Variants in PDE11A observed in about 807,000 individuals in gnomAD.
PDE11A encodes the protein phosphodiesterase 11A.
A neutral mutation model predicts 100.5 loss-of-function variants in PDE11A; 100 were observed. The ratio of observed to expected loss-of-function variants is 1.00; its 90% CI spans 0.85 to 1.18. PDE11A has a LOEUF of 1.18. PDE11A is among the 50% of genes most tolerant of loss of function. The pLI is 0.00. For synonymous variants in PDE11A, 381 were observed against 420.8 expected, an observed-to-expected ratio of 0.91 and a Z score of 1.16; for missense variants, 1,141 against 1,152.6, an observed-to-expected ratio of 0.99 and a Z score of 0.15.
intron 4 of PDE11A, among the ~76,000 whole-genome samples, chr2:177,892,209 G>T (rs372149875): frequency 6.6e-6 from 1 of 151,930 alleles, no homozygotes; most frequent in Non-Finnish European, 1.5e-5. Context: ...TCTTCAACTT[G>T]CATTTATTTT....
At chr2:177,785,416 C>T (rs544896903) in intron 9 of PDE11A, among the ~76,000 whole-genome samples, 16 of 149,752 alleles carry the variant, frequency 1.1e-4, no homozygotes, top group African/African-American at 2.7e-4. Flanking sequence ...CCAAGATGGC[C>T]GAATAGGAAC....
At chr2:178,025,805 T>C (rs946367400) in intron 1 of PDE11A, among the ~76,000 whole-genome samples, 7 of 152,106 alleles carry the variant, frequency 4.6e-5, no homozygotes, top group Non-Finnish European at 1.0e-4. Context: ...GAAAGAGTTA[T>C]GGGAAGGGTC....
At position 178,086,897 on chromosome 2, in the gene PDE11A, C is replaced by T. The variant is rs2105881627; in HGVS notation, c.162+17405G>A. 2.6e-5 allele frequency among the ~76,000 whole-genome samples: 4 copies of T among 152,276 alleles called. No homozygotes were observed. In the East Asian group the frequency reaches 7.7e-4, roughly 29 times the overall value. ...AGTTTCTGGGCCTCAGTTTTCTCAA[C>T]TTTAAAATGAGCAATCCCACTACTG... On this transcript the variant is annotated intron_variant, in intron 2 of 20. Coordinates refer to the PDE11A transcript ENST00000358450.
At chr2:177,822,278 G>C (rs1366966597) in intron 6 of PDE11A, among the ~76,000 whole-genome samples, 1 of 151,722 alleles carries the variant, frequency 6.6e-6, no homozygotes, top group Non-Finnish European at 1.5e-5. Flanking sequence ...ATATGAGCTA[G>C]GAGTCAAAAT....
rs1173886798 is a variant in PDE11A, at chr2:177,624,148, G to A, written c.*5259C>T. 6.6e-6 allele frequency: 1 copy of A among 152,044 alleles called. No homozygotes were observed. Among genetic ancestry groups the A allele is most frequent in the Non-Finnish European group, 1.5e-5 (1 of 68,010 alleles). 9.4% of individuals were successfully genotyped at this position (152,044 alleles called of 1,614,324 possible). ...TAGCAGAATAACAATTTCAGAGACT[G>A]TTACTCTGAAGCAGATAATGAAACT... On this transcript the variant is annotated 3_prime_UTR_variant, in exon 20 of 20. Coordinates refer to ENST00000286063, the MANE Select transcript of PDE11A (RefSeq NM_016953.4).
intron 1 of PDE11A, among the ~76,000 whole-genome samples, chr2:178,047,437 T>TAGGC (rs2086765654): frequency 6.8e-6 from 1 of 146,614 alleles, no homozygotes; most frequent in Admixed American, 7.0e-5. Flanking sequence ...CACTACAGCC[T>TAGGC]GGGCCACAGA....
chr2:177,891,541 C>G (rs909546744), intron 4 of PDE11A, among the ~76,000 whole-genome samples: 1 of 152,118 alleles, frequency 6.6e-6, no homozygotes, highest in African/African-American at 2.4e-5. Flanking sequence ...AACATATTAA[C>G]CAGTATTTTT....
At chr2:177,783,862 T>A (rs2082491409) in intron 9 of PDE11A, among the ~76,000 whole-genome samples, 1 of 152,194 alleles carries the variant, frequency 6.6e-6, no homozygotes, top group East Asian at 1.9e-4. Context: ...CTATTTCATT[T>A]AAAAAATTAT....
intron 12 of PDE11A, among the ~76,000 whole-genome samples, chr2:177,713,741 A>T (rs977722066): frequency 8.6e-5 from 13 of 151,804 alleles, no homozygotes; most frequent in African/African-American, 3.2e-4. Flanking sequence ...CAAACAAACA[A>T]ACAAAAAAGC....
intron 9 of PDE11A, among the ~76,000 whole-genome samples, chr2:177,802,823 T>C (rs1047884240): frequency 3.8e-4 from 57 of 151,954 alleles, no homozygotes; most frequent in African/African-American, 1.4e-3. Context: ...ATATGCAAGA[T>C]TAGATTACCA....
intron 15 of PDE11A, among the ~76,000 whole-genome samples, chr2:177,695,923 A>T (rs549203024): frequency 4.9e-4 from 74 of 152,276 alleles, no homozygotes; most frequent in Middle Eastern, 6.8e-3. Context: ...GACAGAAGAG[A>T]CAGATCTTAA....
At chr2:177,733,538 C>CA (rs1307084468) in intron 10 of PDE11A, among the ~76,000 whole-genome samples, 3 of 152,210 alleles carry the variant, frequency 2.0e-5, no homozygotes, top group African/African-American at 7.2e-5. Context: ...TCCCTTGACA[C>CA]ATGAATATTA....
intron 9 of PDE11A, among the ~76,000 whole-genome samples, chr2:177,810,283 A>T (rs2082930176): frequency 6.6e-6 from 1 of 152,190 alleles, no homozygotes; most frequent in Non-Finnish European, 1.5e-5. Flanking sequence ...TATTCCATAT[A>T]CTTTTATTGA....
intron 16 of PDE11A, among the ~76,000 whole-genome samples, chr2:177,676,446 G>A (rs1445552515): frequency 2.0e-5 from 3 of 152,202 alleles, no homozygotes; most frequent in Admixed American, 6.5e-5. Flanking sequence ...TCCTGATGTC[G>A]GTGTTAACAT....
At chr2:177,901,743 C>A (rs771354352) in intron 3 of PDE11A, among the ~76,000 whole-genome samples, 2 of 152,056 alleles carry the variant, frequency 1.3e-5, no homozygotes, top group Admixed American at 1.3e-4. Flanking sequence ...AGCAAAAAGC[C>A]CTGTTATTAA....
Position 177,648,218 on chromosome 2 carries a change from C to T in PDE11A, c.2646+15648G>A, listed in dbSNP as rs1247065154. ...GGATATTGTATCATTAGCTGGCCTT[C>T]TCTTTGTCCTAGAAAGGGGCCAGTC... On this transcript the variant is annotated intron_variant, in intron 19 of 19. Coordinates refer to ENST00000286063, the MANE Select transcript of PDE11A (RefSeq NM_016953.4). 3.3e-5 allele frequency among the ~76,000 whole-genome samples: 5 copies of T among 152,146 alleles called. No homozygotes were observed. In the East Asian group the frequency reaches 9.6e-4, roughly 29 times the overall value.
intron 19 of PDE11A, among the ~76,000 whole-genome samples, chr2:177,641,841 T>C (rs984548825): frequency 1.3e-5 from 2 of 152,244 alleles, no homozygotes; most frequent in African/African-American, 4.8e-5. Context: ...ATAATAATTA[T>C]TTATGTAGGT....
At chr2:177,821,836 A>G (rs934418081) in intron 6 of PDE11A, among the ~76,000 whole-genome samples, 8 of 151,912 alleles carry the variant, frequency 5.3e-5, no homozygotes, top group Non-Finnish European at 8.8e-5. Flanking sequence ...TTTCCTACTT[A>G]TGATTAATGA....
In PDE11A at chr2:177,782,625, T is replaced by C. The variant is rs982469053; in HGVS notation, c.1738-13252A>G. 3.9e-5 allele frequency among the ~76,000 whole-genome samples: 6 copies of C among 152,362 alleles called. No individual in the cohort carries two copies. In the South Asian group the frequency reaches 6.2e-4, roughly 16 times the overall value. Reference sequence around the variant, plus strand: ...ATGTATTCTTGTGCTGTATCTGTTATATAATCATCACACTAAATGTGAAAT... The same window carrying C: ...ATGTATTCTTGTGCTGTATCTGTTACATAATCATCACACTAAATGTGAAAT... On this transcript the variant is annotated intron_variant, in intron 9 of 19. Coordinates refer to ENST00000286063, the MANE Select transcript of PDE11A (RefSeq NM_016953.4).
Sources: allele counts gnomAD v4.1 joint callset (sites outside exome capture counted in the v4.1 genomes callset), GRCh38; gene constraint gnomAD v4.1.1; transcripts MANE v1.5; gene names NCBI Gene and HGNC (gene_info 2026-07-23, HGNC 2026-07-21).